The following FCAR variants were observed in gnomAD, a reference collection of about 807,000 sequenced individuals.
FCAR encodes immunoglobulin alpha Fc receptor.
In FCAR, 21 loss-of-function variants were observed where a neutral mutation model predicts 27.1. The ratio of observed to expected loss-of-function variants is 0.77; its 90% confidence interval spans 0.55 to 1.11. FCAR has a LOEUF of 1.11. FCAR is among the 50% of genes most tolerant of loss of function. FCAR has a pLI of 0.00. For synonymous variants in FCAR, 134 were observed against 135.8 expected, an observed-to-expected ratio of 0.99 and a Z score of 0.09; for missense variants, 404 against 358.4, an observed-to-expected ratio of 1.13 and a Z score of -1.03.
At chr19:54,882,523 T>TCACCTCC (rs2066483841) in intron 2 of FCAR, among the ~76,000 whole-genome samples, 1 of 151,512 alleles carries the variant, frequency 6.6e-6, no homozygotes, top group Non-Finnish European at 1.5e-5. Flanking sequence ...GCTGCAACCT[T>TCACCTCC]CACCTCCCGG....
chr19:54,884,862 A>G (rs587607175), intron 2 of FCAR, among the ~76,000 whole-genome samples: 175 of 151,830 alleles, frequency 1.2e-3, no homozygotes, highest in African/African-American at 4.0e-3. Flanking sequence ...GCTGGAGTGC[A>G]GTGGTGTGAT....
rs1398062496 is a variant in FCAR at position 54,890,908 on chromosome 19, T to C, written c.*1045T>C. On this transcript the variant is annotated 3_prime_UTR_variant, in exon 5 of 5. Transcript: ENST00000355524. ...CCTCCTACCTCAGCCTCCTGCTGTG[T>C]TCATCTACAAATTGATAAGAGTGAA... The C allele has an allele frequency of 1.3e-5, 2 of 152,170 alleles. No individual in the cohort carries two copies. The highest frequency in any genetic ancestry group is 1.3e-4 in the Admixed American group (2 of 15,256). 9.4% of individuals were successfully genotyped at this position (152,170 alleles called of 1,614,324 possible).
chr19:54,889,299 G>A (rs760329560), intron 4 of FCAR, among the ~76,000 whole-genome samples: 118 of 149,804 alleles, frequency 7.9e-4, no homozygotes, highest in Non-Finnish European at 1.4e-3. Context: ...CTTGACCAGG[G>A]AGGCGGAGGT....
intron 2 of FCAR, among the ~76,000 whole-genome samples, chr19:54,878,874 CTTTTTTT>C (rs57952503): frequency 5.3e-5 from 4 of 76,084 alleles, no homozygotes; most frequent in African/African-American, 6.1e-5. Context: ...TTGAGTCTTG[CTTTTTTT>C]TTTTTTTTTT....
chr19:54,885,965 C>T (rs756081597), intron 3 of FCAR, among the ~76,000 whole-genome samples: 34 of 151,346 alleles, frequency 2.2e-4, no homozygotes, highest in Non-Finnish European at 3.5e-4. Flanking sequence ...ATGCAACAAT[C>T]GCTGGGCGCG....
intron 1 of FCAR, among the ~76,000 whole-genome samples, chr19:54,874,650 T>C (rs1288714638): frequency 6.6e-6 from 1 of 152,104 alleles, no homozygotes; most frequent in Non-Finnish European, 1.5e-5. Context: ...AAAACTGTGA[T>C]TGTTGTGGAA....
rs181314595 is a variant in FCAR at position 54,875,842 on chromosome 19, A to G, written c.70+477A>G. Among the ~76,000 whole-genome samples the G allele has an allele frequency of 1.9e-3, 285 of 152,230 alleles. 6 individuals carry two copies. The highest frequency in any genetic ancestry group is 0.016 in the South Asian group (77 of 4,818). On this transcript the variant is annotated intron_variant, in intron 2 of 4. Transcript: ENST00000355524. ...TACTGAATATTCTGCCACCCCAACT[A>G]CTACTGCCTTAGCCTCCTAATGGGT...
chr19:54,888,668 C>T, intron 4 of FCAR: 3 of 588,208 alleles, frequency 5.1e-6, no homozygotes, highest in Non-Finnish European at 6.7e-6. Context: ...CTGCCTCAGC[C>T]TCCTGAGTAG....
intron 2 of FCAR, among the ~76,000 whole-genome samples, chr19:54,880,134 A>T (rs2066331871): frequency 6.6e-6 from 1 of 152,158 alleles, no homozygotes; most frequent in African/African-American, 2.4e-5. Context: ...TTCATGAACA[A>T]TACACTGAAA....
intron 4 of FCAR, 94 bp from the exon 5 acceptor site, chr19:54,889,555 G>A (rs587613019): frequency 1.1e-4 from 124 of 1,078,376 alleles, no homozygotes; most frequent in Admixed American, 5.4e-4. Flanking sequence ...TTTGGCAAGC[G>A]AAAAGGAAAA....
At chr19:54,882,435 T>C (rs1396633062) in intron 2 of FCAR, among the ~76,000 whole-genome samples, 4 of 148,496 alleles carry the variant, frequency 2.7e-5, no homozygotes, top group African/African-American at 1.0e-4. Flanking sequence ...TTTTTTTTTT[T>C]CTTTTTTTTT....
chr19:54,887,596 C>T (rs138386763), intron 3 of FCAR, among the ~76,000 whole-genome samples: 7,013 of 143,798 alleles, frequency 0.049, 209 homozygotes, highest in Middle Eastern at 0.13. Flanking sequence ...ACTGCAGCCT[C>T]AGTGACAGAG....
At chr19:54,875,761 A>ACT (rs911586649) in intron 2 of FCAR, among the ~76,000 whole-genome samples, 2 of 152,032 alleles carry the variant, frequency 1.3e-5, no homozygotes, top group African/African-American at 4.8e-5. Flanking sequence ...CCTACTGAAC[A>ACT]CTCTAGCATT....
At chr19:54,884,080 G>T (rs1035062640) in intron 2 of FCAR, among the ~76,000 whole-genome samples, 49 of 152,352 alleles carry the variant, frequency 3.2e-4, no homozygotes, top group Middle Eastern at 3.4e-3. Flanking sequence ...TGGCAGGGGT[G>T]GGTGGAGTCA....
At chr19:54,889,393 C>A (rs12976533) in intron 4 of FCAR, among the ~76,000 whole-genome samples, 12,210 of 106,018 alleles carry the variant, frequency 0.12, 861 homozygotes, top group African/African-American at 0.18. Context: ...AAAAAAAAAA[C>A]ACACACAACC....
rs756301132 is a variant in FCAR, at chr19:54,889,833, C to A, written c.834C>A (p.Thr278=). Residue 278 remains threonine, a synonymous_variant, in exon 5 of 5, where the codon ACC becomes ACA. Coordinates refer to ENST00000355524, the MANE Select transcript of FCAR (RefSeq NM_002000.4). ...WSQQMCQPGL[T]FARTPSVCK ...AACAGATGTGTCAGCCAGGATTGAC[C>A]TTTGCACGAACACCAAGTGTCTGCA... The A allele has an allele frequency of 2.5e-6, 4 of 1,606,984 alleles. No homozygotes were observed. The highest frequency in any genetic ancestry group is 2.7e-5 in the African/African-American group (2 of 74,904).
intron 2 of FCAR, among the ~76,000 whole-genome samples, chr19:54,884,227 G>C (rs1006571103): frequency 6.6e-6 from 1 of 152,182 alleles, no homozygotes; most frequent in Non-Finnish European, 1.5e-5. Flanking sequence ...CCATCTCACT[G>C]CTCCCACGCA....
At chr19:54,881,695 A>T (rs1010869123) in intron 2 of FCAR, among the ~76,000 whole-genome samples, 4 of 150,906 alleles carry the variant, frequency 2.7e-5, no homozygotes, top group Non-Finnish European at 4.4e-5. Flanking sequence ...ATCTGGTGAA[A>T]CCCCGTCTCT....
At chr19:54,883,744 G>A (rs1340670905) in intron 2 of FCAR, among the ~76,000 whole-genome samples, 6 of 152,046 alleles carry the variant, frequency 3.9e-5, no homozygotes, top group Non-Finnish European at 2.9e-5. Flanking sequence ...TGCGAAGTCA[G>A]GAGACTGAGA....
Sources: gnomAD v4.1 joint callset for allele counts (sites outside exome capture counted in the v4.1 genomes callset) on GRCh38, gnomAD v4.1.1 for gene constraint, MANE v1.5 for transcripts, NCBI Gene and HGNC (gene_info 2026-07-23, HGNC 2026-07-21) for gene names.